Variants in PDGFRL observed in about 807,000 individuals in gnomAD.
The protein encoded by PDGFRL is platelet-derived growth factor receptor-like protein.
Under a neutral mutation model 37.2 loss-of-function variants are expected in PDGFRL, and 46 were observed. The ratio of observed to expected loss-of-function variants is 1.24; its 90% confidence interval spans 0.98 to 1.58. The LOEUF (loss-of-function observed/expected upper bound fraction) is 1.58. PDGFRL is among the 40% of genes most tolerant of loss of function. The pLI is 0.00. For missense variants in PDGFRL, 692 were observed against 467.6 expected (o/e 1.48, Z -4.43); for synonymous variants, 251 against 184.3 (o/e 1.36, Z -2.93).
chr8:17,601,652 T>G (rs1201622203), intron 2 of PDGFRL, among the ~76,000 whole-genome samples: 5 of 152,162 alleles, frequency 3.3e-5, no homozygotes, highest in African/African-American at 7.2e-5. Context: ...CCTGTGTCTA[T>G]AATTCCTGTC....
At chr8:17,617,512 G>C (rs2237828) in intron 2 of PDGFRL, among the ~76,000 whole-genome samples, 139,109 of 152,166 alleles carry the variant, frequency 0.91, 63,715 homozygotes, top group Middle Eastern at 0.97. Flanking sequence ...GACTCAGCCT[G>C]CAGAGGCCCT....
At chr8:17,591,289 C>T (rs550320393) in intron 2 of PDGFRL, among the ~76,000 whole-genome samples, 46 of 152,222 alleles carry the variant, frequency 3.0e-4, no homozygotes, top group African/African-American at 1.0e-3. Flanking sequence ...CTTCAGGAGG[C>T]TAGGCTTCTA....
intron 3 of PDGFRL, among the ~76,000 whole-genome samples, chr8:17,625,277 G>T (rs1486554232): frequency 6.6e-6 from 1 of 151,974 alleles, no homozygotes; most frequent in Non-Finnish European, 1.5e-5. Flanking sequence ...TCAGCCTCCC[G>T]AGTAGCTGGG....
rs141582220 is a variant in PDGFRL at position 17,611,605 on chromosome 8, G to C, written c.354-9446G>C. ...GAGGTGAAAATGAGCCGATGTGTCT[G>C]GGTTTGGTGAGGAGCTAGATGGCTA... On this transcript the variant is annotated intron_variant, in intron 2 of 5. Coordinates refer to ENST00000251630, the MANE Select transcript of PDGFRL (RefSeq NM_001372073.1). Among the ~76,000 whole-genome samples, 921 of 152,290 alleles carry C rather than the reference G, an allele frequency of 6.0e-3. 6 individuals carry two copies. The highest frequency in any genetic ancestry group is 0.01 in the Middle Eastern group (3 of 294).
At chr8:17,634,008 A>G in intron 4 of PDGFRL, 66 bp from the exon 5 acceptor site, 2 of 1,477,270 alleles carry the variant, frequency 1.4e-6, no homozygotes, top group Admixed American at 1.7e-5. Flanking sequence ...AAAAGAATGC[A>G]TCTGTAGGTT....
rs559348672 is a variant in PDGFRL at position 17,590,381 on chromosome 8, T to C, written c.353+616T>C. ...AATTTTATGGGAAACCAAAATGTTA[T>C]AGAAAACTATTATGCATAGAGATGG... On this transcript the variant is annotated intron_variant, in intron 2 of 5. Coordinates refer to ENST00000251630, the MANE Select transcript of PDGFRL (RefSeq NM_001372073.1). Among the ~76,000 whole-genome samples, 29 of 151,956 alleles carry C rather than the reference T, an allele frequency of 1.9e-4. No individual in the cohort carries two copies. The South Asian group carries it at 2.7e-3, about 14-fold the overall frequency.
intron 3 of PDGFRL, among the ~76,000 whole-genome samples, chr8:17,624,623 C>A (rs2129781352): frequency 6.6e-6 from 1 of 152,274 alleles, no homozygotes; most frequent in Middle Eastern, 3.4e-3. Flanking sequence ...AAGTACTTTC[C>A]TGGCTGGGTG....
chr8:17,588,383 G>C (rs890118974), intron 1 of PDGFRL, among the ~76,000 whole-genome samples: 1 of 152,088 alleles, frequency 6.6e-6, no homozygotes, highest in Non-Finnish European at 1.5e-5. Flanking sequence ...GTTCACTGTG[G>C]TTCAAAATCT....
At chr8:17,637,513 T>C (rs968588945) in intron 5 of PDGFRL, among the ~76,000 whole-genome samples, 1 of 152,198 alleles carries the variant, frequency 6.6e-6, no homozygotes, top group Non-Finnish European at 1.5e-5. Flanking sequence ...TCATCAAACA[T>C]GTTGGTCTAT....
At chr8:17,614,140 A>T (rs1281868258) in intron 2 of PDGFRL, among the ~76,000 whole-genome samples, 1 of 152,178 alleles carries the variant, frequency 6.6e-6, no homozygotes, top group African/African-American at 2.4e-5. Flanking sequence ...TGATAGATTG[A>T]TTCGTAATAG....
rs753397560 is a variant in PDGFRL at position 17,628,725 on chromosome 8, G to C, written c.744G>C (p.Ala248=). Reference sequence around the variant, plus strand: ...ACCAGGGTGTGGTTTACTGCAGGGCGGAGGCCGGGGGCAGATCTCAGATCT... The same window carrying C: ...ACCAGGGTGTGGTTTACTGCAGGGCCGAGGCCGGGGGCAGATCTCAGATCT... ...SEHQGVVYCR[A]EAGGRSQISV... is the part of the protein sequence containing the mutation. The change falls in exon 4 of 6, where the codon GCG becomes GCC. Residue 248 remains alanine (A), a synonymous_variant. Coordinates refer to ENST00000251630, the MANE Select transcript of PDGFRL (RefSeq NM_001372073.1). The C allele has an allele frequency of 1.2e-6, 2 of 1,614,054 alleles. No homozygotes were observed. Among genetic ancestry groups the C allele is most frequent in the Non-Finnish European group, 8.5e-7 (1 of 1,179,908 alleles).
intron 2 of PDGFRL, among the ~76,000 whole-genome samples, chr8:17,613,390 AATG>A (rs894248432): frequency 2.0e-5 from 3 of 152,142 alleles, no homozygotes; most frequent in Admixed American, 1.3e-4. Flanking sequence ...GGTCAAAAAG[AATG>A]ATGACCCCAG....
At position 17,595,450 on chromosome 8, in the gene PDGFRL, G is replaced by A. The variant is rs528014892; in HGVS notation, c.353+5685G>A. On this transcript the variant is annotated intron_variant, in intron 2 of 5. Transcript: ENST00000251630. Reference sequence around the variant, plus strand: ...CCACCTAGGTAGCCGCCCTATTTTGGATCCCGTAGGATCTCTAAAACCCAG... The same window carrying A: ...CCACCTAGGTAGCCGCCCTATTTTGAATCCCGTAGGATCTCTAAAACCCAG... Among the ~76,000 whole-genome samples, 3 of 152,300 alleles carry A rather than the reference G, an allele frequency of 2.0e-5. No homozygotes were observed. In the South Asian group the frequency reaches 6.2e-4, roughly 32 times the overall value.
intron 2 of PDGFRL, 42 bp from the exon 3 acceptor site, chr8:17,621,009 C>G (rs534878037): frequency 3.7e-5 from 56 of 1,523,246 alleles, no homozygotes; most frequent in Admixed American, 1.1e-4. Flanking sequence ...GGGCCCCAGC[C>G]AGGTCTGACT....
intron 5 of PDGFRL, among the ~76,000 whole-genome samples, chr8:17,637,207 C>CT (rs1334192171): frequency 6.6e-6 from 1 of 152,168 alleles, no homozygotes; most frequent in Non-Finnish European, 1.5e-5. Flanking sequence ...ATGCTTTCAA[C>CT]TTTTTCCCAT....
At chr8:17,584,911 G>A (rs999520325) in intron 1 of PDGFRL, among the ~76,000 whole-genome samples, 2 of 151,976 alleles carry the variant, frequency 1.3e-5, no homozygotes, top group African/African-American at 2.4e-5. Context: ...GCAGAGCAGC[G>A]GCATGGACTG....
intron 3 of PDGFRL, among the ~76,000 whole-genome samples, chr8:17,625,276 C>T (rs1442331800): frequency 6.6e-6 from 1 of 152,114 alleles, no homozygotes; most frequent in African/African-American, 2.4e-5. Context: ...CTCAGCCTCC[C>T]GAGTAGCTGG....
intron 2 of PDGFRL, among the ~76,000 whole-genome samples, chr8:17,609,370 G>T (rs1278444179): frequency 6.6e-6 from 1 of 151,852 alleles, no homozygotes; most frequent in East Asian, 1.9e-4. Flanking sequence ...AGCCAGGTGT[G>T]GTAGTGGGCA....
chr8:17,580,468 C>T (rs1365752972), intron 1 of PDGFRL, among the ~76,000 whole-genome samples: 2 of 151,814 alleles, frequency 1.3e-5, no homozygotes, highest in East Asian at 3.9e-4. Flanking sequence ...AAAACCATTT[C>T]TGATCCTTAA....
Sources: gnomAD v4.1 joint callset for allele counts (sites outside exome capture counted in the v4.1 genomes callset) on GRCh38, gnomAD v4.1.1 for gene constraint, MANE v1.5 for transcripts, NCBI Gene and HGNC (gene_info 2026-07-23, HGNC 2026-07-21) for gene names.